Variants in NUAK1 observed in about 807,000 individuals in gnomAD.
NUAK1 encodes the protein NUAK family SNF1-like kinase 1.
A neutral mutation model predicts 56.9 loss-of-function variants in NUAK1; 26 were observed. That is an observed-to-expected ratio of 0.46 (90% CI 0.33 to 0.63). NUAK1 has a LOEUF of 0.63. Ranked by LOEUF, NUAK1 falls within the 30% of genes least tolerant of loss-of-function variation. The pLI is 0.02. For synonymous variants in NUAK1, 337 were observed against 336.0 expected, an observed-to-expected ratio of 1.00 and a Z score of -0.03; for missense variants, 727 against 876.1, an observed-to-expected ratio of 0.83 and a Z score of 2.15.
At chr12:106,090,093 C>T (rs1320975374) in intron 2 of NUAK1, among the ~76,000 whole-genome samples, 1 of 152,132 alleles carries the variant, frequency 6.6e-6, no homozygotes, top group African/African-American at 2.4e-5. Flanking sequence ...CTCCTATTGG[C>T]ATCCAGAAGA....
chr12:106,089,851 C>T (rs1477835702), intron 2 of NUAK1, among the ~76,000 whole-genome samples: 1 of 152,154 alleles, frequency 6.6e-6, no homozygotes, highest in Non-Finnish European at 1.5e-5. Flanking sequence ...ACATCCCTTA[C>T]CCCCATCCTT....
intron 1 of NUAK1, among the ~76,000 whole-genome samples, chr12:106,129,672 C>A (rs948965775): frequency 2.0e-5 from 3 of 152,180 alleles, no homozygotes; most frequent in Admixed American, 6.5e-5. Context: ...ATAAGAAGGT[C>A]ACTGGGTACT....
At chr12:106,088,757 T>TC (rs2032601581) in intron 2 of NUAK1, among the ~76,000 whole-genome samples, 1 of 152,346 alleles carries the variant, frequency 6.6e-6, no homozygotes, top group East Asian at 1.9e-4. Context: ...TATTAATTCA[T>TC]CCCCAGAGCC....
At chr12:106,099,928 C>T (rs1306792620) in intron 2 of NUAK1, among the ~76,000 whole-genome samples, 1 of 151,428 alleles carries the variant, frequency 6.6e-6, no homozygotes. Flanking sequence ...GTAGCTGGGA[C>T]CACAGGCATG....
chr12:106,067,422 G>C lies in NUAK1; in HGVS notation c.1366C>G (p.Pro456Ala). The change falls in exon 7 of 7, where the codon CCC (proline) becomes GCC (alanine). Residue 456 changes from proline to alanine, a missense_variant. Pro to Ala is a conservative substitution (Grantham distance 27). Transcript: ENST00000261402. The surrounding 1 kb of genome is among the most constrained non-coding windows in gnomAD (Gnocchi z 6.0). ...TTGGGCATCGTGGCCGACTGCTTGGGGCTGAGTTTTCCCGGCACCTCTGCC... is the reference window on the plus strand; with the variant it reads ...TTGGGCATCGTGGCCGACTGCTTGGCGCTGAGTTTTCCCGGCACCTCTGCC... ...PEAEVPGKLS[P>A]KQSATMPKKG... 1 of 1,614,154 alleles carries C rather than the reference G, an allele frequency of 6.2e-7. No individual in the cohort carries two copies. The highest frequency in any genetic ancestry group is 8.5e-7 in the Non-Finnish European group (1 of 1,180,040).
rs2032353542 is a variant in NUAK1, at chr12:106,067,321, C to T, written c.1467G>A (p.Glu489=). ...CCATCACATCATTACTGTCCAACAG[C>T]TCCGAAGACTCACTGCGCTCTGGGG... ...YSSPERSESS[E]LLDSNDVMGS... Residue 489 remains glutamate (E), a synonymous_variant, in exon 7 of 7, where the codon GAG becomes GAA. Transcript: ENST00000261402. This position sits in a 1 kb window ranked among gnomAD's most constrained non-coding sequence, Gnocchi z 6.0. The T allele has an allele frequency of 6.2e-7, 1 of 1,614,088 alleles. No individual in the cohort carries two copies. The highest frequency in any genetic ancestry group is 1.3e-5 in the African/African-American group (1 of 74,922).
intron 2 of NUAK1, among the ~76,000 whole-genome samples, chr12:106,090,364 G>A (rs1476852220): frequency 2.0e-5 from 3 of 152,148 alleles, no homozygotes; most frequent in Non-Finnish European, 4.4e-5. Context: ...TCATCAAGGA[G>A]GCCAGAGCTG....
chr12:106,117,449 CAAA>C (rs1565926793), intron 1 of NUAK1, among the ~76,000 whole-genome samples: 1 of 151,996 alleles, frequency 6.6e-6, no homozygotes, highest in Non-Finnish European at 1.5e-5. Flanking sequence ...TTCCCATTTC[CAAA>C]AAAAGCCAAG....
At chr12:106,128,528 C>T (rs771818360) in intron 1 of NUAK1, among the ~76,000 whole-genome samples, 1 of 152,156 alleles carries the variant, frequency 6.6e-6, no homozygotes, top group Admixed American at 6.5e-5. Flanking sequence ...GTGAACCACT[C>T]GTGAGCTGAG....
chr12:106,076,524 A>G (rs2032467131), intron 4 of NUAK1, among the ~76,000 whole-genome samples: 1 of 152,050 alleles, frequency 6.6e-6, no homozygotes, highest in Non-Finnish European at 1.5e-5. Flanking sequence ...GCCCTGTGCT[A>G]TTCAGTTCAG....
chr12:106,123,278 C>CA lies in NUAK1; in HGVS notation c.240+15135dup, dbSNP rs2032995720. 2.6e-5 allele frequency among the ~76,000 whole-genome samples: 4 copies of CA among 152,288 alleles called. No individual in the cohort carries two copies. In the South Asian group the frequency reaches 8.3e-4, roughly 32 times the overall value. On this transcript the variant is annotated intron_variant, in intron 1 of 6. Transcript: ENST00000261402. ...AGGGGCCAAGTGTGTGCCATGTCCTCATTCAACCTAGTGTCTAGAGCAGCA... is the reference window on the plus strand; with the variant it reads ...AGGGGCCAAGTGTGTGCCATGTCCTCAATTCAACCTAGTGTCTAGAGCAGCA...
intron 1 of NUAK1, among the ~76,000 whole-genome samples, chr12:106,129,260 T>A (rs191862073): frequency 1.7e-4 from 26 of 152,354 alleles, no homozygotes; most frequent in Admixed American, 1.5e-3. Flanking sequence ...AGGAGGAGGA[T>A]GGAGCCCCAG....
chr12:106,095,820 G>C (rs1170893827), intron 2 of NUAK1, among the ~76,000 whole-genome samples: 1 of 152,154 alleles, frequency 6.6e-6, no homozygotes, highest in Non-Finnish European at 1.5e-5. Context: ...TGAGGTGAAG[G>C]CAAGCCTAGC....
At position 106,064,933 on chromosome 12, in the gene NUAK1, A is replaced by C. The variant is rs1378157864; in HGVS notation, c.*1869T>G. ...TAACACACTGCTCAGCTCAACCTGA[A>C]GGAACGCATAAGCCAAAACACCAGA... On this transcript the variant is annotated 3_prime_UTR_variant, in exon 7 of 7. Transcript: ENST00000261402. 1 of 152,230 alleles carries C rather than the reference A, an allele frequency of 6.6e-6. No homozygotes were observed. Among genetic ancestry groups the C allele is most frequent in the Non-Finnish European group, 1.5e-5 (1 of 68,064 alleles). The allele number at this position is 152,230 out of a possible 1,614,324, so 9.4% of individuals were successfully genotyped here. A position where few individuals can be genotyped will look rare whatever the true frequency, so the allele number is the denominator to read the frequency against.
intron 4 of NUAK1, among the ~76,000 whole-genome samples, chr12:106,075,209 T>C (rs1195780572): frequency 6.6e-6 from 1 of 151,572 alleles, no homozygotes; most frequent in Non-Finnish European, 1.5e-5. Context: ...AAAACTGTCA[T>C]TGCCACTGAC....
chr12:106,100,137 T>C (rs2032733309), intron 2 of NUAK1, among the ~76,000 whole-genome samples: 3 of 151,062 alleles, frequency 2.0e-5, no homozygotes, highest in Admixed American at 2.0e-4. Flanking sequence ...CCCAGAGTGC[T>C]GGGATTACAG....
chr12:106,093,207 G>A (rs964427910), intron 2 of NUAK1, among the ~76,000 whole-genome samples: 1 of 152,150 alleles, frequency 6.6e-6, no homozygotes, highest in African/African-American at 2.4e-5. Context: ...AAATGACCTG[G>A]GTTTTGCTTT....
intron 4 of NUAK1, among the ~76,000 whole-genome samples, chr12:106,075,298 C>CAT (rs1470775225): frequency 6.7e-6 from 1 of 149,708 alleles, no homozygotes; most frequent in African/African-American, 2.5e-5. Context: ...CACACACACA[C>CAT]ACACACACAC....
chr12:106,067,152 G>C lies in NUAK1; in HGVS notation c.1636C>G (p.Pro546Ala), dbSNP rs1164446129. Residue 546 changes from proline (P) to alanine (A), a missense_variant, in exon 7 of 7, where the codon CCC (proline) becomes GCC (alanine). Physicochemically the swap from Pro to Ala is conservative, Grantham distance 27 (BLOSUM62 -1). Transcript: ENST00000261402. This position sits in a 1 kb window ranked among gnomAD's most constrained non-coding sequence, Gnocchi z 6.0. The stretch of plus-strand genomic sequence containing the variant: ...GGCTCTGACAGGGATTCCAGTGTGG[G>C]CATTTCAGGGCTGACCAGGGCTGGG... Reference protein sequence around the residue: ...MDPALVSPEMPTLESLSEPGV... With the variant: ...MDPALVSPEMATLESLSEPGV... 6.2e-7 allele frequency: 1 copy of C among 1,614,202 alleles called. No individual in the cohort carries two copies.
Sources: gnomAD v4.1 joint callset for allele counts (sites outside exome capture counted in the v4.1 genomes callset) on GRCh38, gnomAD v4.1.1 for gene constraint, Gnocchi (gnomAD v3.1) non-coding constraint, MANE v1.5 for transcripts, NCBI Gene and HGNC (gene_info 2026-07-23, HGNC 2026-07-21) for gene names.